The following GRIP1 variants were observed in gnomAD, a reference collection of about 807,000 sequenced individuals.
The protein encoded by GRIP1 is glutamate receptor interacting protein 1, also known as glutamate receptor-interacting protein 1.
Under a neutral mutation model 129.9 loss-of-function variants are expected in GRIP1, and 45 were observed. That is an observed-to-expected ratio of 0.35 (90% CI 0.27 to 0.44). The LOEUF (loss-of-function observed/expected upper bound fraction) is 0.44. Among genes scored for constraint, GRIP1 ranks in the 20% least tolerant of loss-of-function variants. GRIP1 has a pLI of 1.00. For missense variants in GRIP1, 1,196 were observed against 1,396.8 expected (o/e 0.86, Z 2.29); for synonymous variants, 530 against 520.8 (o/e 1.02, Z -0.24).
chr12:67,069,071 G>C, exon 1 of GRIP1: 1 of 984,150 alleles, frequency 1.0e-6, no homozygotes, highest in Non-Finnish European at 1.2e-6. Flanking sequence ...TCCTCTGCCT[G>C]CAAGCAGATA....
intron 19 of GRIP1, among the ~76,000 whole-genome samples, chr12:66,390,796 T>C (rs1416759883): frequency 6.6e-6 from 1 of 152,262 alleles, no homozygotes; most frequent in Non-Finnish European, 1.5e-5. Context: ...TTCTGTCCTT[T>C]ACTCAGTGTC....
chr12:66,929,582 T>C (rs926629359), intron 1 of GRIP1, among the ~76,000 whole-genome samples: 1 of 152,144 alleles, frequency 6.6e-6, no homozygotes, highest in African/African-American at 2.4e-5. Context: ...CCCTACACTC[T>C]CATATCTCTC....
chr12:67,023,508 C>T (rs781404688), intron 1 of GRIP1, among the ~76,000 whole-genome samples: 6 of 152,034 alleles, frequency 3.9e-5, no homozygotes, highest in Admixed American at 3.9e-4. Flanking sequence ...GATGCTGATA[C>T]CATACTGTCT....
chr12:67,040,559 G>A (rs1918137), intron 1 of GRIP1, among the ~76,000 whole-genome samples: 35,611 of 151,958 alleles, frequency 0.23, 4,770 homozygotes, highest in Non-Finnish European at 0.29. Context: ...CTAATTTGTC[G>A]TTTACGTGTT....
chr12:66,372,781 C>G (rs2055582105), intron 22 of GRIP1, among the ~76,000 whole-genome samples: 1 of 151,324 alleles, frequency 6.6e-6, no homozygotes, highest in African/African-American at 2.4e-5. Flanking sequence ...GATTTGAAAC[C>G]AATATCAAGT....
At chr12:66,844,275 A>G (rs1265841761) in intron 1 of GRIP1, among the ~76,000 whole-genome samples, 2 of 152,200 alleles carry the variant, frequency 1.3e-5, no homozygotes, top group African/African-American at 4.8e-5. Context: ...CTGATTTTAA[A>G]TGGGCAAAAG....
At chr12:66,657,265 T>C (rs2033215401) in intron 1 of GRIP1, among the ~76,000 whole-genome samples, 1 of 141,488 alleles carries the variant, frequency 7.1e-6, no homozygotes, top group African/African-American at 2.6e-5. Context: ...TGTCAGCCTC[T>C]ACTGAAGGAG....
intron 7 of GRIP1, among the ~76,000 whole-genome samples, chr12:66,498,795 T>C (rs1278695736): frequency 1.3e-5 from 2 of 152,142 alleles, no homozygotes; most frequent in East Asian, 3.9e-4. Flanking sequence ...TAATTACAAC[T>C]CTAACATTTT....
chr12:66,849,815 T>C (rs1504307), intron 1 of GRIP1, among the ~76,000 whole-genome samples: 32,830 of 152,000 alleles, frequency 0.22, 3,587 homozygotes, highest in East Asian at 0.31. Context: ...ACATCTTCAA[T>C]CTGTCCCCCT....
At chr12:66,695,254 C>G (rs552967669) in intron 1 of GRIP1, among the ~76,000 whole-genome samples, 1 of 150,250 alleles carries the variant, frequency 6.7e-6, no homozygotes, top group Non-Finnish European at 1.5e-5. Flanking sequence ...AACTGCTGAC[C>G]CAGCATGCAA....
At chr12:66,665,361 A>G (rs565957891) in intron 1 of GRIP1, among the ~76,000 whole-genome samples, 2 of 152,326 alleles carry the variant, frequency 1.3e-5, no homozygotes, top group Non-Finnish European at 2.9e-5. Flanking sequence ...ACACAATTCA[A>G]AAATGAACAA....
At chr12:66,397,225 C>A (rs1045653419) in intron 16 of GRIP1, among the ~76,000 whole-genome samples, 5 of 147,526 alleles carry the variant, frequency 3.4e-5, no homozygotes, top group African/African-American at 1.2e-4. Flanking sequence ...AAAAAGGTAT[C>A]TATTGGCCAG....
Position 66,539,065 on chromosome 12 carries a change from C to G in GRIP1, c.418+13G>C, listed in dbSNP as rs1324038682. On this transcript the variant is annotated intron_variant, in intron 4 of 24. Transcript: ENST00000359742. ...ATGTATCCCCTATGGATAAGGGGGGCTACTGTACTTACAGACCGGTGGAAG... is the reference window on the plus strand; with the variant it reads ...ATGTATCCCCTATGGATAAGGGGGGGTACTGTACTTACAGACCGGTGGAAG... 6.2e-7 allele frequency: 1 copy of G among 1,611,226 alleles called. No homozygotes were observed. The highest frequency in any genetic ancestry group is 1.1e-5 in the South Asian group (1 of 91,036).
intron 1 of GRIP1, among the ~76,000 whole-genome samples, chr12:66,606,766 T>C (rs144337008): frequency 6.6e-5 from 10 of 152,306 alleles, no homozygotes; most frequent in Non-Finnish European, 1.5e-4. Context: ...ATTACATGCC[T>C]AGCACTCTGC....
intron 1 of GRIP1, among the ~76,000 whole-genome samples, chr12:66,819,439 A>T (rs554657401): frequency 5.6e-4 from 86 of 152,218 alleles, no homozygotes; most frequent in Admixed American, 9.2e-4. Context: ...GTGTCACAGG[A>T]AATCATGATA....
intron 1 of GRIP1, among the ~76,000 whole-genome samples, chr12:66,903,296 AT>A (rs5798846): frequency 0.018 from 2,565 of 143,440 alleles, 56 homozygotes; most frequent in African/African-American, 0.051. Flanking sequence ...GTGCTGCAGT[AT>A]TTTTTTTTTT....
intron 2 of GRIP1, among the ~76,000 whole-genome samples, chr12:66,560,017 C>T (rs1438785501): frequency 6.6e-6 from 1 of 152,040 alleles, no homozygotes; most frequent in African/African-American, 2.4e-5. Flanking sequence ...CAAATCCATA[C>T]ACCTACAGAG....
intron 2 of GRIP1, among the ~76,000 whole-genome samples, chr12:66,561,036 A>G (rs1406883297): frequency 6.6e-6 from 1 of 152,204 alleles, no homozygotes; most frequent in Non-Finnish European, 1.5e-5. Context: ...ATTTGCAACA[A>G]TATGAATGGA....
At chr12:66,790,256 T>A (rs1342307415) in intron 1 of GRIP1, among the ~76,000 whole-genome samples, 1 of 152,156 alleles carries the variant, frequency 6.6e-6, no homozygotes, top group Non-Finnish European at 1.5e-5. Context: ...GCTACATAGG[T>A]CCTTCAGACT....
Sources: gnomAD v4.1 joint callset for allele counts (sites outside exome capture counted in the v4.1 genomes callset) on GRCh38, gnomAD v4.1.1 for gene constraint, MANE v1.5 for transcripts, NCBI Gene and HGNC (gene_info 2026-07-23, HGNC 2026-07-21) for gene names.